Variants in MAP3K14 observed in about 807,000 individuals in gnomAD.
MAP3K14 encodes the protein mitogen-activated protein kinase kinase kinase 14.
In MAP3K14, 16 loss-of-function variants were observed where a neutral mutation model predicts 99.2. The ratio of observed to expected loss-of-function variants is 0.16; its 90% CI spans 0.11 to 0.24. The LOEUF is 0.24. Among genes scored for constraint, MAP3K14 ranks in the 10% least tolerant of loss-of-function variants. The probability of loss-of-function intolerance (pLI) is 1.00; values close to 1 mark genes in which losing one functional copy is unlikely to be tolerated. For missense variants in MAP3K14, 784 were observed against 1,208.7 expected, an observed-to-expected ratio of 0.65 and a Z score of 5.21; for synonymous variants, 462 against 492.4, an observed-to-expected ratio of 0.94 and a Z score of 0.82.
chr17:45,316,897 A>G (rs1362575001), intron 1 of MAP3K14, 63 bp downstream of exon 1: 1 of 151,912 alleles, frequency 6.6e-6, no homozygotes, highest in Non-Finnish European at 1.5e-5. Flanking sequence ...CTGAGAGGCG[A>G]TCCATCCCAG....
In MAP3K14 at chr17:45,286,466, T is replaced by G; in HGVS notation, c.1117A>C (p.Lys373Gln). The change falls in exon 5 of 16, where the codon AAA becomes CAA. Residue 373 changes from lysine (K) to glutamine (Q), a missense_variant. Physicochemically the swap from Lys to Gln is moderately conservative, Grantham distance 53. Transcript: ENST00000344686. This position sits in a 1 kb window ranked among gnomAD's most constrained non-coding sequence, Gnocchi z 4.1. ...AGGACACCCTCGTTGTCCTCAGTTT[T>G]GGGGCTGGGCTCCCGGGATCTGGAG... ...RGSRSREPSPKTEDNEGVLLT... is the reference protein window; with the variant it reads ...RGSRSREPSPQTEDNEGVLLT... The G allele has an allele frequency of 6.2e-7, 1 of 1,601,636 alleles. No individual in the cohort carries two copies. The highest frequency in any genetic ancestry group is 1.3e-5 in the African/African-American group (1 of 74,804).
chr17:45,299,502 C>T (rs1450121308), intron 1 of MAP3K14, among the ~76,000 whole-genome samples: 1 of 152,198 alleles, frequency 6.6e-6, no homozygotes, highest in African/African-American at 2.4e-5. Context: ...GCTTGCTTCA[C>T]TCTCTCCCTC....
chr17:45,270,262 C>T lies in MAP3K14; in HGVS notation c.1972+151G>A, dbSNP rs2044131995. On this transcript the variant is annotated intron_variant, in intron 11 of 15. Coordinates refer to ENST00000344686, the MANE Select transcript of MAP3K14 (RefSeq NM_003954.5). Reference sequence around the variant, plus strand: ...TCCAGGCGTGGCACTGTCGCAATCTCCCAACAACCCTGAGGCTGCTGCACC... The same window carrying T: ...TCCAGGCGTGGCACTGTCGCAATCTTCCAACAACCCTGAGGCTGCTGCACC... 1.8e-5 allele frequency: 18 copies of T among 1,021,552 alleles called. No individual in the cohort carries two copies. The East Asian group carries it at 5.5e-4, about 31-fold the overall frequency. 63.3% of individuals were successfully genotyped at this position (1,021,552 alleles called of 1,614,324 possible).
Position 45,290,760 on chromosome 17 carries a change from C to A in MAP3K14, c.-15G>T. On this transcript the variant is annotated 5_prime_UTR_variant, in exon 2 of 16. Transcript: ENST00000344686. ...ATCACTGCCATCTCCCAGGCTTGTGCTCATCCTGAGAGAGACCAAACACAG... is the reference window on the plus strand; with the variant it reads ...ATCACTGCCATCTCCCAGGCTTGTGATCATCCTGAGAGAGACCAAACACAG... 1 of 1,611,982 alleles carries A rather than the reference C, an allele frequency of 6.2e-7. No individual in the cohort carries two copies. Among genetic ancestry groups the A allele is most frequent in the Non-Finnish European group, 8.5e-7 (1 of 1,178,672 alleles).
chr17:45,304,891 T>C (rs1230144407), intron 1 of MAP3K14, among the ~76,000 whole-genome samples: 1 of 152,104 alleles, frequency 6.6e-6, no homozygotes, highest in East Asian at 1.9e-4. Context: ...ATCTGTAATA[T>C]AGGGATCCTC....
rs377598814 is a variant in MAP3K14 at position 45,288,796 on chromosome 17, C to T, written c.326+440G>A. On this transcript the variant is annotated intron_variant, in intron 3 of 15. Transcript: ENST00000344686. ...GTCTATCTGTCCCCTCCTTTTCTAC[C>T]GCCCGCATCCCTACTCGGTGCATCT... 7.2e-5 allele frequency among the ~76,000 whole-genome samples: 11 copies of T among 152,170 alleles called. 1 individual carries two copies. In the East Asian group the frequency reaches 1.2e-3, roughly 16 times the overall value.
intron 1 of MAP3K14, among the ~76,000 whole-genome samples, chr17:45,297,951 T>C (rs1358610594): frequency 6.6e-6 from 1 of 152,158 alleles, no homozygotes; most frequent in Non-Finnish European, 1.5e-5. Context: ...ACTCCTGACC[T>C]CAGGTGATCT....
At chr17:45,293,874 C>T (rs962210186) in intron 1 of MAP3K14, among the ~76,000 whole-genome samples, 2 of 152,126 alleles carry the variant, frequency 1.3e-5, no homozygotes, top group Non-Finnish European at 2.9e-5. Context: ...TGCACTTGCT[C>T]CCTCCCTCCT....
At chr17:45,280,066 T>C (rs2044210216) in intron 6 of MAP3K14, among the ~76,000 whole-genome samples, 1 of 152,206 alleles carries the variant, frequency 6.6e-6, no homozygotes, top group Non-Finnish European at 1.5e-5. Context: ...CTGCACATTG[T>C]CTGGCACAGA....
chr17:45,278,198 T>TA (rs559429317), intron 6 of MAP3K14, among the ~76,000 whole-genome samples: 17 of 152,304 alleles, frequency 1.1e-4, no homozygotes, highest in African/African-American at 3.8e-4. Flanking sequence ...TAAGTCCTCT[T>TA]AGAGTGTCCC....
At chr17:45,316,658 G>A (rs542276565) in intron 1 of MAP3K14, among the ~76,000 whole-genome samples, 97 of 152,274 alleles carry the variant, frequency 6.4e-4, no homozygotes, top group African/African-American at 2.0e-3. Flanking sequence ...GCGGCGCGGG[G>A]CACTAGTGAA....
At chr17:45,273,173 G>T (rs1337555977) in intron 9 of MAP3K14, among the ~76,000 whole-genome samples, 1 of 152,168 alleles carries the variant, frequency 6.6e-6, no homozygotes, top group Non-Finnish European at 1.5e-5. Flanking sequence ...GAGAGCTGGG[G>T]TCACAGGCTG....
intron 6 of MAP3K14, 59 bp from the exon 7 acceptor site, chr17:45,274,652 G>A: frequency 6.3e-7 from 1 of 1,581,818 alleles, no homozygotes; most frequent in East Asian, 2.2e-5. Context: ...CTGGGTCCCT[G>A]GCATCCTGTC....
intron 1 of MAP3K14, among the ~76,000 whole-genome samples, chr17:45,292,747 G>A (rs1428381662): frequency 6.6e-6 from 1 of 152,132 alleles, no homozygotes. Context: ...TCTTTACCAG[G>A]GGAAATGAGA....
chr17:45,316,723 T>A (rs983214820), intron 1 of MAP3K14, among the ~76,000 whole-genome samples: 1 of 151,642 alleles, frequency 6.6e-6, no homozygotes, highest in African/African-American at 2.4e-5. Flanking sequence ...CCAGCAGGAG[T>A]GCGCGGCCTG....
chr17:45,295,316 C>T (rs1487953991), intron 1 of MAP3K14, among the ~76,000 whole-genome samples: 1 of 151,922 alleles, frequency 6.6e-6, no homozygotes, highest in Non-Finnish European at 1.5e-5. Context: ...ATGCATGCAA[C>T]TGGCATGTAA....
chr17:45,284,896 G>T lies in MAP3K14; in HGVS notation c.1206C>A (p.His402Gln), dbSNP rs765832972. The T allele has an allele frequency of 4.5e-6, 7 of 1,560,790 alleles. No individual in the cohort carries two copies. In the African/African-American group the frequency reaches 9.5e-5, roughly 21 times the overall value. ...EYREEVHWAT[H>Q]QLRLGRGSFG... ...AGGAGCCTCTGCCCAGGCGGAGCTG[G>T]TGCGTGGCCCAGTGGACTTCTTCTC... The change falls in exon 6 of 16, where the codon CAC becomes CAA. Residue 402 changes from histidine (H) to glutamine (Q), a missense_variant. Transcript: ENST00000344686.
chr17:45,297,633 AAAG>A (rs2044355470), intron 1 of MAP3K14, among the ~76,000 whole-genome samples: 1 of 152,220 alleles, frequency 6.6e-6, no homozygotes, highest in African/African-American at 2.4e-5. Context: ...TAAATAGGAA[AAAG>A]AAACAATGGT....
At chr17:45,298,234 G>C (rs1382896069) in intron 1 of MAP3K14, among the ~76,000 whole-genome samples, 1 of 151,926 alleles carries the variant, frequency 6.6e-6, no homozygotes, top group Non-Finnish European at 1.5e-5. Flanking sequence ...CAGACCAGAA[G>C]AATAAAGGAG....
Sources: gnomAD v4.1 joint callset for allele counts (sites outside exome capture counted in the v4.1 genomes callset) on GRCh38, gnomAD v4.1.1 for gene constraint, Gnocchi (gnomAD v3.1) non-coding constraint, MANE v1.5 for transcripts, NCBI Gene and HGNC (gene_info 2026-07-23, HGNC 2026-07-21) for gene names.